Variants in OSBPL6 observed in about 807,000 individuals in gnomAD.
OSBPL6 encodes oxysterol-binding protein-related protein 6.
A neutral mutation model predicts 125.8 loss-of-function variants in OSBPL6; 49 were observed. That is an observed-to-expected ratio of 0.39 (90% CI 0.31 to 0.49). The LOEUF is 0.49. OSBPL6 is among the 20% of genes least tolerant of loss of function. The pLI is 0.88. For synonymous variants in OSBPL6, 394 were observed against 391.8 expected (o/e 1.01, Z -0.07); for missense variants, 986 against 1,135.4 (o/e 0.87, Z 1.89).
At chr2:178,381,031 C>T (rs903944532) in intron 15 of OSBPL6, among the ~76,000 whole-genome samples, 1 of 152,166 alleles carries the variant, frequency 6.6e-6, no homozygotes, top group African/African-American at 2.4e-5. Flanking sequence ...CATCTGTTTA[C>T]TCTTACTTGT....
At chr2:178,339,202 A>G (rs899226387) in intron 10 of OSBPL6, 108 bp downstream of exon 10, 44 of 570,546 alleles carry the variant, frequency 7.7e-5, no homozygotes, top group Non-Finnish European at 1.2e-4. Flanking sequence ...AATAACTGCA[A>G]TACAGACATT....
intron 8 of OSBPL6, among the ~76,000 whole-genome samples, chr2:178,333,341 T>A (rs1689397205): frequency 1.3e-5 from 2 of 152,122 alleles, no homozygotes; most frequent in South Asian, 4.1e-4. Flanking sequence ...GCCAAGATTG[T>A]GCCACTACTG....
chr2:178,262,482 T>G (rs1396719377), intron 1 of OSBPL6, among the ~76,000 whole-genome samples: 3 of 152,202 alleles, frequency 2.0e-5, no homozygotes, highest in African/African-American at 7.2e-5. Flanking sequence ...ATTCAGAATT[T>G]GTCTCCAAGG....
chr2:178,219,751 G>T (rs2090258893), intron 1 of OSBPL6, among the ~76,000 whole-genome samples: 1 of 152,158 alleles, frequency 6.6e-6, no homozygotes, highest in South Asian at 2.1e-4. Flanking sequence ...ATATTCAGAG[G>T]TTCCAGTGGT....
At chr2:178,360,985 T>G (rs1406252335) in intron 12 of OSBPL6, among the ~76,000 whole-genome samples, 1 of 152,254 alleles carries the variant, frequency 6.6e-6, no homozygotes, top group African/African-American at 2.4e-5. Flanking sequence ...AAAGTCACCC[T>G]TTCTGTAGTT....
At chr2:178,234,509 G>T (rs1161501359) in intron 1 of OSBPL6, among the ~76,000 whole-genome samples, 1 of 152,168 alleles carries the variant, frequency 6.6e-6, no homozygotes, top group African/African-American at 2.4e-5. Flanking sequence ...GAGGTACTGT[G>T]TACATTTCAC....
chr2:178,267,101 C>T (rs544585133), intron 1 of OSBPL6, among the ~76,000 whole-genome samples: 4 of 152,266 alleles, frequency 2.6e-5, no homozygotes, highest in Non-Finnish European at 4.4e-5. Context: ...TGCCTGTAAT[C>T]CCAGCACTTT....
Position 178,336,347 on chromosome 2 carries a change from A to G in OSBPL6, c.704A>G (p.Asn235Ser), listed in dbSNP as rs149480335. The change falls in exon 9 of 25, where the codon AAT (asparagine) becomes AGT (serine). Residue 235 changes from asparagine (N) to serine (S), a missense_variant. Physicochemically the swap from Asn to Ser is conservative, Grantham distance 46. Transcript: ENST00000190611. ...TGGCAGTCCCCTTTACCATGCAGCA[A>G]TAGCCTCCCTGCAACGTGCACAACT... Reference protein sequence around the residue: ...FPWQSPLPCSNSLPATCTTGQ... With the variant: ...FPWQSPLPCSSSLPATCTTGQ... 19 of 1,614,036 alleles carry G rather than the reference A, an allele frequency of 1.2e-5. No individual in the cohort carries two copies. The highest frequency in any genetic ancestry group is 2.7e-5 in the African/African-American group (2 of 74,930).
chr2:178,393,119 A>C lies in OSBPL6; in HGVS notation c.2573+581A>C, dbSNP rs114499070. On this transcript the variant is annotated intron_variant, in intron 23 of 24. Transcript: ENST00000190611. ...TTCTCCCTCCCCCTAAAATTTACCA[A>C]AGGTCTGTAAATTTGTGAACTCTTT... Among the ~76,000 whole-genome samples the C allele has an allele frequency of 4.9e-3, 739 of 152,256 alleles. 6 individuals carry two copies. Among genetic ancestry groups the C allele is most frequent in the African/African-American group, 0.017 (700 of 41,540 alleles).
Position 178,394,411 on chromosome 2 carries a change from T to G in OSBPL6, c.2672T>G (p.Leu891Arg). Residue 891 changes from leucine to arginine, a missense_variant, in exon 24 of 25, where the codon CTT (leucine) becomes CGT (arginine). By Grantham distance (102) the Leu-to-Arg change is moderately radical (BLOSUM62 -2). This residue lies in a region of OSBPL6 where 843 missense variants were observed against 997.3 expected (regional missense o/e 0.85). Coordinates refer to ENST00000190611, the MANE Select transcript of OSBPL6 (RefSeq NM_032523.4). ...SRRRYMEENN[L>R]EHIPKFFKKV... ...AGACGATATATGGAAGAAAACAATC[T>G]TGAACATATACCAAAATTTTTTAAG... The G allele has an allele frequency of 1.2e-6, 2 of 1,610,588 alleles. No homozygotes were observed. The highest frequency in any genetic ancestry group is 1.7e-6 in the Non-Finnish European group (2 of 1,179,170).
intron 1 of OSBPL6, among the ~76,000 whole-genome samples, chr2:178,245,242 T>G (rs775560883): frequency 1.8e-4 from 27 of 152,214 alleles, no homozygotes; most frequent in Admixed American, 5.2e-4. Flanking sequence ...TCTTGGAACA[T>G]GATTTCTTAC....
At chr2:178,340,493 A>G (rs1690098635) in intron 11 of OSBPL6, among the ~76,000 whole-genome samples, 1 of 152,108 alleles carries the variant, frequency 6.6e-6, no homozygotes. Flanking sequence ...ATGTTCTTAA[A>G]GTAAGATCCT....
Position 178,397,968 on chromosome 2 carries a change from T to G in OSBPL6, c.*2409T>G, listed in dbSNP as rs1695946285. 1.3e-5 allele frequency: 2 copies of G among 152,228 alleles called. No homozygotes were observed. The highest frequency in any genetic ancestry group is 4.1e-4 in the South Asian group (2 of 4,830). 9.4% of individuals were successfully genotyped at this position (152,228 alleles called of 1,614,324 possible). A position where few individuals can be genotyped will look rare whatever the true frequency, so the allele number is the denominator to read the frequency against. On this transcript the variant is annotated 3_prime_UTR_variant, in exon 25 of 25. Coordinates refer to ENST00000190611, the MANE Select transcript of OSBPL6 (RefSeq NM_032523.4). The stretch of plus-strand genomic sequence containing the variant: ...CTCAGATTTAGAATCTCTTTTGGGA[T>G]TCAGATAGTCTGATTATTCCAATTC...
intron 2 of OSBPL6, among the ~76,000 whole-genome samples, chr2:178,294,666 C>T (rs72949357): frequency 5.3e-5 from 8 of 150,294 alleles, no homozygotes; most frequent in Admixed American, 1.3e-4. Flanking sequence ...ATCATAAAGT[C>T]GGAAAATTCT....
intron 1 of OSBPL6, among the ~76,000 whole-genome samples, chr2:178,260,221 T>C (rs1347335407): frequency 6.6e-6 from 1 of 152,174 alleles, no homozygotes; most frequent in South Asian, 2.1e-4. Flanking sequence ...CAATGAATTG[T>C]TTTTTTAGAA....
At chr2:178,363,192 T>G (rs893836352) in intron 13 of OSBPL6, among the ~76,000 whole-genome samples, 6 of 152,184 alleles carry the variant, frequency 3.9e-5, no homozygotes, top group Non-Finnish European at 1.5e-5. Flanking sequence ...GAAAATGCAT[T>G]TGTTTCTTGC....
At chr2:178,317,909 T>TA (rs1687902897) in intron 3 of OSBPL6, among the ~76,000 whole-genome samples, 1 of 152,210 alleles carries the variant, frequency 6.6e-6, no homozygotes, top group East Asian at 1.9e-4. Context: ...GAGCGTTAGC[T>TA]CTTGATATGC....
At chr2:178,277,886 A>G (rs1001934314) in intron 1 of OSBPL6, among the ~76,000 whole-genome samples, 1 of 152,110 alleles carries the variant, frequency 6.6e-6, no homozygotes, top group Non-Finnish European at 1.5e-5. Flanking sequence ...TCCATGAAGT[A>G]TGATCACGTG....
At chr2:178,272,532 T>C (rs985895563) in intron 1 of OSBPL6, among the ~76,000 whole-genome samples, 12 of 152,150 alleles carry the variant, frequency 7.9e-5, no homozygotes, top group African/African-American at 2.9e-4. Context: ...AAGTATATTA[T>C]CAGTTACCTC....
Sources: allele counts gnomAD v4.1 joint callset (sites outside exome capture counted in the v4.1 genomes callset), GRCh38; gene constraint gnomAD v4.1.1; regional missense constraint gnomAD v4.1.1; transcripts MANE v1.5; gene names NCBI Gene and HGNC (gene_info 2026-07-23, HGNC 2026-07-21).